The following NT5C1B variants were observed in gnomAD, a reference collection of about 807,000 sequenced individuals.
NT5C1B encodes 5'-nucleotidase, cytosolic IB.
Under a neutral mutation model 57.8 loss-of-function variants are expected in NT5C1B, and 44 were observed. That is an observed-to-expected ratio of 0.76 (90% CI 0.60 to 0.98). The LOEUF (loss-of-function observed/expected upper bound fraction) is 0.98. NT5C1B is among the 50% of genes least tolerant of loss of function. The probability of loss-of-function intolerance (pLI) is 0.00; values close to 1 mark genes in which losing one functional copy is unlikely to be tolerated. For missense variants in NT5C1B, 742 were observed against 719.5 expected, an observed-to-expected ratio of 1.03 and a Z score of -0.36; for synonymous variants, 284 against 282.6, an observed-to-expected ratio of 1.00 and a Z score of -0.05.
chr2:18,589,466 C>T, exon 1 of NT5C1B: 1 of 1,614,050 alleles, frequency 6.2e-7, no homozygotes, highest in South Asian at 1.1e-5. Flanking sequence ...ATGTTTGACT[C>T]ATTTTTTTAC....
intron 8 of NT5C1B, among the ~76,000 whole-genome samples, chr2:18,570,641 C>T (rs1223428128): frequency 1.3e-5 from 2 of 152,066 alleles, no homozygotes; most frequent in Non-Finnish European, 2.9e-5. Context: ...ACTCAGATGG[C>T]GTCTCTGAAA....
At chr2:18,586,229 T>TTTTC (rs1385931182) in intron 3 of NT5C1B, 25 bp downstream of exon 3, 1 of 1,611,084 alleles carries the variant, frequency 6.2e-7, no homozygotes, top group Non-Finnish European at 8.5e-7. Flanking sequence ...TATCATCTAC[T>TTTTC]ACTCCCTTTC....
chr2:18,575,739 C>T (rs977988556), intron 8 of NT5C1B, among the ~76,000 whole-genome samples: 2 of 152,144 alleles, frequency 1.3e-5, no homozygotes, highest in African/African-American at 4.8e-5. Context: ...GATTCAAGTT[C>T]TTAGTTGTGC....
intron 6 of NT5C1B, among the ~76,000 whole-genome samples, chr2:18,578,928 T>C (rs946451450): frequency 2.6e-5 from 4 of 152,164 alleles, no homozygotes; most frequent in African/African-American, 9.7e-5. Flanking sequence ...CTAGCTCTGA[T>C]AATAACTTCA....
At chr2:18,566,576 T>A (rs1042264233) in intron 8 of NT5C1B, among the ~76,000 whole-genome samples, 11 of 152,204 alleles carry the variant, frequency 7.2e-5, no homozygotes, top group African/African-American at 2.4e-4. Context: ...ACAGTTTCCC[T>A]TGCTGTTTTT....
rs926647826 is a variant in NT5C1B, at chr2:18,583,772, ACTC to A, written c.891+313_891+315del. The A allele has an allele frequency of 9.3e-6, 5 of 535,814 alleles. No individual in the cohort carries two copies. In the African/African-American group the frequency reaches 9.5e-5, roughly 10 times the overall value. The allele number at this position is 535,814 out of a possible 1,614,324, so 33.2% of individuals were successfully genotyped here. A position where few individuals can be genotyped will look rare whatever the true frequency, so the allele number is the denominator to read the frequency against. On this transcript the variant is annotated intron_variant, in intron 5 of 8. Coordinates refer to ENST00000304081, the Ensembl canonical transcript of NT5C1B. Reference sequence around the variant, plus strand: ...TGTAATATGGCGTTTTATTTCTACTACTCAGGATCATAAACTCATTATGGCTTC... The same window carrying A: ...TGTAATATGGCGTTTTATTTCTACTAAGGATCATAAACTCATTATGGCTTC...
chr2:18,567,912 G>T (rs569742369), intron 8 of NT5C1B, among the ~76,000 whole-genome samples: 2 of 152,250 alleles, frequency 1.3e-5, no homozygotes, highest in African/African-American at 4.8e-5. Context: ...AGATTGAAAT[G>T]AAAAGAGTTG....
At chr2:18,580,783 T>G (rs993362377) in intron 6 of NT5C1B, among the ~76,000 whole-genome samples, 2 of 152,222 alleles carry the variant, frequency 1.3e-5, no homozygotes, top group African/African-American at 4.8e-5. Context: ...ATCATCTTTT[T>G]TGAAGCAACA....
rs754067171 is a variant in NT5C1B at position 18,584,047 on chromosome 2, C to T, written c.891+41G>A. On this transcript the variant is annotated intron_variant, in intron 5 of 8. Coordinates refer to ENST00000304081, the Ensembl canonical transcript of NT5C1B. This position sits in a 1 kb window ranked among gnomAD's most constrained non-coding sequence, Gnocchi z 5.8. ...GGGTTGGCCTGGGTCCCTCCCTCGC[C>T]ATCGAGTGTCCTGGCGGGCCAAAGA... The T allele has an allele frequency of 6.2e-7, 1 of 1,614,144 alleles. No homozygotes were observed. Among genetic ancestry groups the T allele is most frequent in the Non-Finnish European group, 8.5e-7 (1 of 1,180,020 alleles).
At chr2:18,582,755 G>C (rs770145008) in intron 6 of NT5C1B, 113 bp downstream of exon 6, 7 of 1,428,750 alleles carry the variant, frequency 4.9e-6, no homozygotes, top group Non-Finnish European at 6.6e-6. Flanking sequence ...GCGCAGAAGG[G>C]GGTGTCAGTA....
intron 8 of NT5C1B, among the ~76,000 whole-genome samples, chr2:18,575,195 A>G (rs1572338949): frequency 6.6e-6 from 1 of 152,060 alleles, no homozygotes; most frequent in South Asian, 2.1e-4. Context: ...AGCAGAGTAG[A>G]CTGATATAAA....
At chr2:18,568,252 A>G (rs1664832869) in intron 8 of NT5C1B, among the ~76,000 whole-genome samples, 1 of 152,196 alleles carries the variant, frequency 6.6e-6, no homozygotes, top group Non-Finnish European at 1.5e-5. Context: ...AATCTATACA[A>G]ATGAGAAGAC....
chr2:18,566,949 T>C (rs1463208966), intron 8 of NT5C1B, among the ~76,000 whole-genome samples: 4 of 152,090 alleles, frequency 2.6e-5, no homozygotes, highest in Non-Finnish European at 5.9e-5. Context: ...GTACTTTTGG[T>C]AGAGTGTTGA....
exon 7 of NT5C1B, chr2:18,576,857 C>G (rs954884270): frequency 4.3e-6 from 7 of 1,613,864 alleles, no homozygotes; most frequent in African/African-American, 2.7e-5. Context: ...CCAATGGGGT[C>G]TTTTCCCCCG....
chr2:18,574,369 A>G (rs560837471), intron 8 of NT5C1B, among the ~76,000 whole-genome samples: 7 of 152,264 alleles, frequency 4.6e-5, no homozygotes, highest in Non-Finnish European at 7.4e-5. Flanking sequence ...ACCCTTATAC[A>G]CTGTGGGCAG....
chr2:18,576,410 A>G (rs1289847036), intron 7 of NT5C1B, 42 bp from the exon 8 acceptor site: 5 of 1,575,716 alleles, frequency 3.2e-6, no homozygotes, highest in Non-Finnish European at 4.3e-6. Flanking sequence ...TCTCAGGTCC[A>G]TGAGTTATAG....
chr2:18,578,158 A>T (rs1015322837), intron 6 of NT5C1B, among the ~76,000 whole-genome samples: 31 of 152,154 alleles, frequency 2.0e-4, no homozygotes, highest in African/African-American at 7.0e-4. Context: ...ACAGCCCTGG[A>T]CCAGATGGAT....
At chr2:18,582,890 A>G (rs1157074368) in exon 6 of NT5C1B, 3 of 1,613,906 alleles carry the variant, frequency 1.9e-6, no homozygotes, top group Non-Finnish European at 2.5e-6. Context: ...CGCTGTTTAT[A>G]AGCCGCACTC....
chr2:18,586,910 A>C, intron 2 of NT5C1B: 1 of 1,602,254 alleles, frequency 6.2e-7, no homozygotes, highest in Non-Finnish European at 8.5e-7. Flanking sequence ...AGCAAAGTAA[A>C]AGAGTTTCTA....
Sources: gnomAD v4.1 joint callset for allele counts (sites outside exome capture counted in the v4.1 genomes callset) on GRCh38, gnomAD v4.1.1 for gene constraint, Gnocchi (gnomAD v3.1) non-coding constraint, MANE v1.5 for transcripts, NCBI Gene and HGNC (gene_info 2026-07-23, HGNC 2026-07-21) for gene names.